Variants in CHODL observed in about 807,000 individuals in gnomAD.
CHODL encodes the protein transmembrane protein MT75.
Under a neutral mutation model 34.5 loss-of-function variants are expected in CHODL, and 29 were observed. The observed-to-expected ratio is 0.84, with a 90% CI of 0.63 to 1.15. The LOEUF (loss-of-function observed/expected upper bound fraction) is 1.15. CHODL is among the 50% of genes most tolerant of loss of function. CHODL has a pLI of 0.00. For synonymous variants in CHODL, 125 were observed against 116.1 expected, an observed-to-expected ratio of 1.08 and a Z score of -0.49; for missense variants, 332 against 332.5, an observed-to-expected ratio of 1.00 and a Z score of 0.01.
At chr21:18,141,461 A>T (rs1365810215) in intron 2 of CHODL, among the ~76,000 whole-genome samples, 1 of 152,060 alleles carries the variant, frequency 6.6e-6, no homozygotes, top group African/African-American at 2.4e-5. Flanking sequence ...TGAGTGTCCA[A>T]ATCTTAGTGT....
At chr21:18,189,988 A>C (rs1262971461) in intron 2 of CHODL, among the ~76,000 whole-genome samples, 2 of 152,222 alleles carry the variant, frequency 1.3e-5, no homozygotes, top group Non-Finnish European at 2.9e-5. Flanking sequence ...TTTTCATTCC[A>C]ATAATAATTT....
At chr21:17,973,307 A>G (rs890462031) in intron 1 of CHODL, among the ~76,000 whole-genome samples, 1 of 152,198 alleles carries the variant, frequency 6.6e-6, no homozygotes, top group Non-Finnish European at 1.5e-5. Context: ...TAATTAAACT[A>G]AAGAGCTCCT....
chr21:18,178,619 G>A (rs2073344839), intron 2 of CHODL, among the ~76,000 whole-genome samples: 1 of 152,138 alleles, frequency 6.6e-6, no homozygotes, highest in South Asian at 2.1e-4. Flanking sequence ...AAAAGAAAAT[G>A]TTAAGAAAAT....
chr21:18,215,208 A>C (rs2073813006), intron 2 of CHODL, among the ~76,000 whole-genome samples: 1 of 151,830 alleles, frequency 6.6e-6, no homozygotes, highest in South Asian at 2.1e-4. Flanking sequence ...TGAAAAAAAA[A>C]AAAAGGTTTT....
chr21:17,937,975 A>G (rs538114440), intron 1 of CHODL, among the ~76,000 whole-genome samples: 8 of 152,360 alleles, frequency 5.3e-5, no homozygotes, highest in African/African-American at 1.9e-4. Context: ...TAAACTTTGT[A>G]TAACTTGTGT....
At chr21:18,000,847 C>T (rs1005939294) in intron 1 of CHODL, among the ~76,000 whole-genome samples, 3 of 152,172 alleles carry the variant, frequency 2.0e-5, no homozygotes, top group African/African-American at 7.2e-5. Context: ...CAAAGTTCAA[C>T]ATGACTTTCA....
At chr21:18,146,386 C>A (rs531158938) in intron 2 of CHODL, among the ~76,000 whole-genome samples, 1 of 152,062 alleles carries the variant, frequency 6.6e-6, no homozygotes, top group Non-Finnish European at 1.5e-5. Context: ...AATTGTAATA[C>A]CCACATAGTG....
At chr21:18,084,718 CTGA>C (rs897807984) in intron 2 of CHODL, among the ~76,000 whole-genome samples, 8 of 152,066 alleles carry the variant, frequency 5.3e-5, no homozygotes, top group Non-Finnish European at 4.4e-5. Context: ...GTTCCATGTG[CTGA>C]TGAGAAGAAT....
chr21:18,209,922 T>C (rs191572179), intron 2 of CHODL, among the ~76,000 whole-genome samples: 2,201 of 152,174 alleles, frequency 0.014, 30 homozygotes, highest in Non-Finnish European at 0.024. Flanking sequence ...TTTATTCTTC[T>C]CTCTCCTTTT....
intron 2 of CHODL, among the ~76,000 whole-genome samples, chr21:18,042,139 A>G (rs1189851402): frequency 1.3e-5 from 2 of 151,918 alleles, no homozygotes; most frequent in Non-Finnish European, 2.9e-5. Context: ...TAAATGTTCC[A>G]CTGAAAAGAC....
intron 2 of CHODL, among the ~76,000 whole-genome samples, chr21:18,095,223 C>G (rs756946741): frequency 1.9e-4 from 29 of 151,884 alleles, no homozygotes; most frequent in Admixed American, 3.9e-4. Context: ...AAAAATTTGG[C>G]TTTTTGAAAG....
At chr21:18,214,321 G>A (rs1044234770) in intron 2 of CHODL, among the ~76,000 whole-genome samples, 1 of 151,986 alleles carries the variant, frequency 6.6e-6, no homozygotes, top group African/African-American at 2.4e-5. Flanking sequence ...GTTACTTTAA[G>A]TAGTAATTAT....
At chr21:18,107,973 C>A (rs1432343829) in intron 2 of CHODL, among the ~76,000 whole-genome samples, 1 of 152,150 alleles carries the variant, frequency 6.6e-6, no homozygotes, top group Admixed American at 6.6e-5. Context: ...TATGTTCGTA[C>A]CATCTACAGT....
chr21:18,213,539 G>T (rs1237749574), intron 2 of CHODL, among the ~76,000 whole-genome samples: 1 of 152,034 alleles, frequency 6.6e-6, no homozygotes, highest in Non-Finnish European at 1.5e-5. Context: ...AATGAAATTG[G>T]GGTGGATGAA....
At chr21:18,114,396 C>T (rs1009342343) in intron 2 of CHODL, among the ~76,000 whole-genome samples, 1 of 151,868 alleles carries the variant, frequency 6.6e-6, no homozygotes, top group Admixed American at 6.6e-5. Flanking sequence ...TCTCATGTAC[C>T]CCAAAAATAT....
intron 2 of CHODL, among the ~76,000 whole-genome samples, chr21:18,049,363 A>C (rs2064484937): frequency 1.3e-5 from 2 of 152,012 alleles, no homozygotes; most frequent in Admixed American, 1.3e-4. Flanking sequence ...TTAACTATAT[A>C]ATGAACAGAT....
At chr21:18,165,061 A>G (rs1029917427) in intron 2 of CHODL, among the ~76,000 whole-genome samples, 1 of 151,440 alleles carries the variant, frequency 6.6e-6, no homozygotes, top group Non-Finnish European at 1.5e-5. Flanking sequence ...GTTCTTTATC[A>G]TGGGGCTTGT....
intron 1 of CHODL, among the ~76,000 whole-genome samples, chr21:18,017,847 C>A (rs1313767104): frequency 1.3e-5 from 2 of 152,224 alleles, no homozygotes; most frequent in Non-Finnish European, 2.9e-5. Flanking sequence ...CACTCAACAA[C>A]CTATGGGAGA....
intron 1 of CHODL, among the ~76,000 whole-genome samples, chr21:18,247,399 A>G (rs1409759255): frequency 3.9e-5 from 6 of 152,158 alleles, no homozygotes; most frequent in Non-Finnish European, 7.4e-5. Context: ...ATAATCACTG[A>G]CCGCAGAAAA....
Sources: gnomAD v4.1 joint callset for allele counts (sites outside exome capture counted in the v4.1 genomes callset) on GRCh38, gnomAD v4.1.1 for gene constraint, MANE v1.5 for transcripts, NCBI Gene and HGNC (gene_info 2026-07-23, HGNC 2026-07-21) for gene names.